Variants in GNG2 observed in about 807,000 individuals in gnomAD.
GNG2 encodes the protein G protein subunit gamma 2.
In GNG2, 5 loss-of-function variants were observed where a neutral mutation model predicts 5.5. The observed-to-expected ratio is 0.91, with a 90% confidence interval of 0.48 to 1.92. The LOEUF is 1.92. Among genes scored for constraint, GNG2 ranks in the 30% most tolerant of loss-of-function variants. The probability of loss-of-function intolerance (pLI) is 0.01; values close to 1 mark genes in which losing one functional copy is unlikely to be tolerated. For synonymous variants in GNG2, 28 were observed against 32.0 expected (o/e 0.88, Z 0.42); for missense variants, 55 against 88.4 (o/e 0.62, Z 1.52).
chr14:51,932,907 G>T (rs1887750238), intron 2 of GNG2, among the ~76,000 whole-genome samples: 1 of 151,686 alleles, frequency 6.6e-6, no homozygotes, highest in African/African-American at 2.4e-5. Flanking sequence ...TGGGGTGGGG[G>T]CGCCTAAATC....
At chr14:51,965,593 A>G (rs1365708137) in intron 3 of GNG2, among the ~76,000 whole-genome samples, 1 of 152,244 alleles carries the variant, frequency 6.6e-6, no homozygotes, top group African/African-American at 2.4e-5. Context: ...CCAGTGAAAT[A>G]TCACTAAAGG....
intron 2 of GNG2, among the ~76,000 whole-genome samples, chr14:51,845,801 G>A (rs188579271): frequency 3.7e-4 from 56 of 152,228 alleles, no homozygotes; most frequent in African/African-American, 1.2e-3. Flanking sequence ...TTTACCCTGC[G>A]TGCCACCTAT....
chr14:51,920,615 A>G (rs1288095018), intron 2 of GNG2, among the ~76,000 whole-genome samples: 2 of 152,196 alleles, frequency 1.3e-5, no homozygotes, highest in East Asian at 3.9e-4. Flanking sequence ...AATTGGAAAG[A>G]CTGACTTTGG....
chr14:51,906,755 C>CTATTTTTTTTTT (rs1885945288), intron 2 of GNG2, among the ~76,000 whole-genome samples: 2 of 45,330 alleles, frequency 4.4e-5, no homozygotes, highest in Non-Finnish European at 9.4e-5. Flanking sequence ...GCTGGAGAAT[C>CTATTTTTTTTTT]TCTTTTTTTT....
chr14:51,958,837 G>T (rs1044063049), intron 3 of GNG2, among the ~76,000 whole-genome samples: 1 of 152,116 alleles, frequency 6.6e-6, no homozygotes, highest in African/African-American at 2.4e-5. Flanking sequence ...AGATTGAATT[G>T]TCCAGGAAGA....
chr14:51,892,685 C>T (rs1021293317), intron 2 of GNG2, among the ~76,000 whole-genome samples: 3 of 152,192 alleles, frequency 2.0e-5, no homozygotes, highest in Non-Finnish European at 4.4e-5. Flanking sequence ...TAGGAAGAAG[C>T]TCATTTCCCC....
intron 2 of GNG2, among the ~76,000 whole-genome samples, chr14:51,905,829 G>C (rs59218932): frequency 0.023 from 3,519 of 152,264 alleles, 147 homozygotes; most frequent in African/African-American, 0.081. Flanking sequence ...GTTTTATAAG[G>C]GGCTTTCCCC....
intron 2 of GNG2, among the ~76,000 whole-genome samples, chr14:51,907,101 C>T (rs986392131): frequency 6.6e-6 from 1 of 152,142 alleles, no homozygotes; most frequent in Non-Finnish European, 1.5e-5. Flanking sequence ...CACTAAGCCA[C>T]GCTGGCAGCA....
chr14:51,946,030 A>G (rs1385250689), intron 2 of GNG2, among the ~76,000 whole-genome samples: 1 of 152,254 alleles, frequency 6.6e-6, no homozygotes, highest in African/African-American at 2.4e-5. Context: ...GCTAGAAAGC[A>G]TGGATGCACA....
At chr14:51,877,297 C>A (rs933010894) in intron 1 of GNG2, among the ~76,000 whole-genome samples, 4 of 152,188 alleles carry the variant, frequency 2.6e-5, no homozygotes, top group African/African-American at 9.7e-5. Flanking sequence ...CATCGGTATA[C>A]AGCCTCTCCC....
In GNG2 at chr14:51,925,912, G is replaced by A. The variant is rs551331639; in HGVS notation, c.-29-24738G>A. Among the ~76,000 whole-genome samples, 8 of 152,116 alleles carry A rather than the reference G, an allele frequency of 5.3e-5. No individual in the cohort carries two copies. In the South Asian group the frequency reaches 6.2e-4, roughly 12 times the overall value. ...GCTAGGATTACAGGTGTGAGCCACC[G>A]CACCTGGCCTGAAGTCTTAAATATA... On this transcript the variant is annotated intron_variant, in intron 2 of 3. Transcript: ENST00000556766.
intron 2 of GNG2, among the ~76,000 whole-genome samples, chr14:51,948,092 G>T (rs146923592): frequency 3.9e-5 from 6 of 152,322 alleles, no homozygotes; most frequent in African/African-American, 1.4e-4. Flanking sequence ...AGGAAGGAGA[G>T]ACAAGGCGTA....
chr14:51,917,551 A>C (rs1594913018), intron 2 of GNG2: 1 of 392,114 alleles, frequency 2.6e-6, no homozygotes, highest in Non-Finnish European at 5.1e-6. Flanking sequence ...AATCTTGCAC[A>C]CACTGAATTA....
chr14:51,943,255 G>A (rs74051357), intron 2 of GNG2, among the ~76,000 whole-genome samples: 2 of 152,060 alleles, frequency 1.3e-5, no homozygotes, highest in Non-Finnish European at 1.5e-5. Flanking sequence ...AAGGTTTTTT[G>A]TTGTTGTTGT....
intron 2 of GNG2, among the ~76,000 whole-genome samples, chr14:51,847,767 C>T (rs551858682): frequency 5.7e-4 from 87 of 151,462 alleles, no homozygotes; most frequent in Non-Finnish European, 8.7e-4. Context: ...AAGAGGTGAT[C>T]GCACTTCCAA....
At chr14:51,826,773 G>A (rs995942011) in intron 1 of GNG2, among the ~76,000 whole-genome samples, 1 of 152,220 alleles carries the variant, frequency 6.6e-6, no homozygotes, top group Non-Finnish European at 1.5e-5. Context: ...CAGCTGAAGA[G>A]TTCAAAAGGG....
At chr14:51,953,045 T>C (rs1410713150) in intron 3 of GNG2, among the ~76,000 whole-genome samples, 1 of 152,198 alleles carries the variant, frequency 6.6e-6, no homozygotes. Context: ...GATGGGAATT[T>C]CAAATGCCTA....
chr14:51,859,818 G>A (rs909907223), upstream of GNG2, among the ~76,000 whole-genome samples: 1 of 152,198 alleles, frequency 6.6e-6, no homozygotes, highest in African/African-American at 2.4e-5. Flanking sequence ...AGTGTGTGTG[G>A]AATGGGGAGA....
chr14:51,948,757 G>T (rs1470382366), intron 2 of GNG2, among the ~76,000 whole-genome samples: 1 of 152,120 alleles, frequency 6.6e-6, no homozygotes, highest in Non-Finnish European at 1.5e-5. Flanking sequence ...GTAGAGTTCA[G>T]AGATCTCTGT....
Sources: gnomAD v4.1 joint callset for allele counts (sites outside exome capture counted in the v4.1 genomes callset) on GRCh38, gnomAD v4.1.1 for gene constraint, MANE v1.5 for transcripts, NCBI Gene and HGNC (gene_info 2026-07-23, HGNC 2026-07-21) for gene names.